The following PARD3 variants were observed in gnomAD, a reference collection of about 807,000 sequenced individuals.
PARD3 encodes the protein par-3 family cell polarity regulator, also known as partitioning defective 3 homolog.
PARD3 carries 75 observed loss-of-function variants against 155.4 expected under a neutral mutation model. The observed-to-expected ratio is 0.48, with a 90% confidence interval of 0.40 to 0.58. The LOEUF (loss-of-function observed/expected upper bound fraction) is 0.58. PARD3 is among the 20% of genes least tolerant of loss of function. The pLI is 0.00. For synonymous variants in PARD3, 576 were observed against 610.5 expected, an observed-to-expected ratio of 0.94 and a Z score of 0.83; for missense variants, 1,642 against 1,721.7, an observed-to-expected ratio of 0.95 and a Z score of 0.82.
intron 20 of PARD3, among the ~76,000 whole-genome samples, chr10:34,301,270 T>C (rs1957133967): frequency 6.6e-6 from 1 of 152,220 alleles, no homozygotes; most frequent in African/African-American, 2.4e-5. Context: ...TGACACCTAC[T>C]GACTAATCAC....
At position 34,170,194 on chromosome 10, in the gene PARD3, C is replaced by T. The variant is rs372258963; in HGVS notation, c.3420-38611G>A. ...CCTCCAGCTTCTGGGCTCAAGAGAT[C>T]CTCCTGCCTCAGCCTCCCAAGTAGC... On this transcript the variant is annotated intron_variant, in intron 22 of 24. Coordinates refer to ENST00000374788, the MANE Select transcript of PARD3 (RefSeq NM_001184785.2). Among the ~76,000 whole-genome samples, 9 of 152,246 alleles carry T rather than the reference C, an allele frequency of 5.9e-5. No individual in the cohort carries two copies. The South Asian group carries it at 1.0e-3, about 18-fold the overall frequency.
At chr10:34,365,458 A>C (rs1839867816) in intron 12 of PARD3, among the ~76,000 whole-genome samples, 1 of 152,196 alleles carries the variant, frequency 6.6e-6, no homozygotes. Flanking sequence ...AAAGATCACT[A>C]GAAGCTTCAC....
intron 1 of PARD3, among the ~76,000 whole-genome samples, chr10:34,797,183 C>T (rs748045152): frequency 3.9e-5 from 6 of 152,194 alleles, no homozygotes; most frequent in Non-Finnish European, 7.3e-5. Context: ...CAAGGTCTTG[C>T]TCTGTCACCC....
intron 21 of PARD3, among the ~76,000 whole-genome samples, chr10:34,276,223 G>C (rs1955870446): frequency 7.1e-6 from 1 of 140,682 alleles, no homozygotes; most frequent in South Asian, 2.5e-4. Flanking sequence ...TTATGTTCAA[G>C]CATAAATACA....
At chr10:34,351,501 G>A (rs1351102473) in intron 14 of PARD3, among the ~76,000 whole-genome samples, 1 of 152,162 alleles carries the variant, frequency 6.6e-6, no homozygotes, top group African/African-American at 2.4e-5. Context: ...TGAACATAAA[G>A]CAACTAATGA....
chr10:34,655,249 T>C (rs1341215359), intron 2 of PARD3, among the ~76,000 whole-genome samples: 1 of 152,104 alleles, frequency 6.6e-6, no homozygotes, highest in Non-Finnish European at 1.5e-5. Flanking sequence ...GTTCGAATTG[T>C]ATGCAACATA....
chr10:34,613,833 C>G (rs1164953166), intron 2 of PARD3, among the ~76,000 whole-genome samples: 1 of 152,160 alleles, frequency 6.6e-6, no homozygotes, highest in Non-Finnish European at 1.5e-5. Flanking sequence ...CATTTTGCAT[C>G]TTTTTCTAAT....
chr10:34,135,660 A>G (rs1947855645), intron 22 of PARD3, among the ~76,000 whole-genome samples: 1 of 152,198 alleles, frequency 6.6e-6, no homozygotes, highest in African/African-American at 2.4e-5. Context: ...CCTGCCCCGC[A>G]CCTGTGCCCC....
rs1195930127 is a variant in PARD3 at position 34,337,413 on chromosome 10, C to G, written c.2422G>C (p.Asp808His). ...TGAAAAGCAAGAACTGGATCAACAT[C>G]TGGACTCAAAGAGCTGGAGTGAAGA... is the stretch of plus-strand genomic sequence containing the variant. ...SDSADCSLSPDVDPVLAFQRE... is the reference protein window; with the variant it reads ...SDSADCSLSPHVDPVLAFQRE... Residue 808 changes from aspartate to histidine, a missense_variant, in exon 17 of 25, where the codon GAT (aspartate) becomes CAT (histidine). By Grantham distance (81) the Asp-to-His change is moderately conservative. This residue lies in a region of PARD3 where 1,529 missense variants were observed against 1,587.3 expected (regional missense o/e 0.96). Coordinates refer to ENST00000374788, the MANE Select transcript of PARD3 (RefSeq NM_001184785.2). 1.3e-6 allele frequency: 2 copies of G among 1,579,664 alleles called. No homozygotes were observed. The highest frequency in any genetic ancestry group is 2.3e-5 in the East Asian group (1 of 43,510).
intron 22 of PARD3, among the ~76,000 whole-genome samples, chr10:34,206,488 C>G (rs182290133): frequency 2.6e-4 from 39 of 152,246 alleles, no homozygotes; most frequent in Non-Finnish European, 4.7e-4. Context: ...GGGCTTAGCC[C>G]GGGAAGGTTC....
chr10:34,216,222 A>G (rs622408), intron 22 of PARD3, among the ~76,000 whole-genome samples: 101,265 of 152,098 alleles, frequency 0.67, 35,007 homozygotes, highest in African/African-American at 0.81. Context: ...AAACATGCAC[A>G]AAATTGAGCA....
intron 1 of PARD3, among the ~76,000 whole-genome samples, chr10:34,799,054 G>A (rs1346965092): frequency 2.6e-5 from 4 of 152,136 alleles, no homozygotes; most frequent in African/African-American, 9.7e-5. Context: ...GTTAAGAGCA[G>A]TTGCTCTAGC....
intron 4 of PARD3, among the ~76,000 whole-genome samples, chr10:34,461,470 G>A (rs183245628): frequency 6.6e-5 from 10 of 152,248 alleles, no homozygotes; most frequent in Admixed American, 3.9e-4. Flanking sequence ...GCCGGGTGTG[G>A]TAGTGGGCGC....
intron 2 of PARD3, among the ~76,000 whole-genome samples, chr10:34,616,333 A>T (rs973777536): frequency 2.0e-5 from 3 of 151,778 alleles, no homozygotes; most frequent in African/African-American, 7.3e-5. Context: ...TTAAAAAAAA[A>T]TTAAAAAAAG....
At chr10:34,792,767 T>C (rs1452161456) in intron 1 of PARD3, among the ~76,000 whole-genome samples, 6 of 152,178 alleles carry the variant, frequency 3.9e-5, no homozygotes, top group Non-Finnish European at 7.3e-5. Context: ...GGCTGCTGGG[T>C]GAACACCCTC....
chr10:34,646,408 G>C (rs1258311535), intron 2 of PARD3, among the ~76,000 whole-genome samples: 1 of 151,914 alleles, frequency 6.6e-6, no homozygotes, highest in Non-Finnish European at 1.5e-5. Context: ...CTCTCCCCAG[G>C]GTGTTTTTCT....
chr10:34,427,441 TCCAGCCTGGCGAATTCTAGTCAGA>T (rs937473348), intron 5 of PARD3, among the ~76,000 whole-genome samples: 3 of 152,172 alleles, frequency 2.0e-5, no homozygotes, highest in Non-Finnish European at 4.4e-5. Context: ...ATTAGGAAAT[TCCAGCCTGGCGAATTCTAGTCAGA>T]CCGGTTCTCT....
chr10:34,603,632 A>C (rs2089977183), intron 2 of PARD3, among the ~76,000 whole-genome samples: 1 of 152,180 alleles, frequency 6.6e-6, no homozygotes, highest in African/African-American at 2.4e-5. Context: ...TTTCTTTGCC[A>C]TGATCTTTAG....
chr10:34,183,878 T>A (rs1323953307), intron 22 of PARD3, among the ~76,000 whole-genome samples: 1 of 152,230 alleles, frequency 6.6e-6, no homozygotes, highest in Non-Finnish European at 1.5e-5. Flanking sequence ...CCTATCGGCA[T>A]GAAACCAAGA....
Sources: gnomAD v4.1 joint callset for allele counts (sites outside exome capture counted in the v4.1 genomes callset) on GRCh38, gnomAD v4.1.1 for gene constraint, gnomAD v4.1.1 regional missense constraint, MANE v1.5 for transcripts, NCBI Gene and HGNC (gene_info 2026-07-23, HGNC 2026-07-21) for gene names.